TLCD4: variants seen among roughly 807,000 people sequenced by gnomAD.
TLCD4 encodes the protein TLC domain-containing protein 4.
Under a neutral mutation model 24.2 loss-of-function variants are expected in TLCD4, and 7 were observed. The observed-to-expected ratio is 0.29, with a 90% CI of 0.16 to 0.54. TLCD4 has a LOEUF of 0.54. TLCD4 is among the 20% of genes least tolerant of loss of function. The probability of loss-of-function intolerance (pLI) is 0.95; values close to 1 mark genes in which losing one functional copy is unlikely to be tolerated. For synonymous variants in TLCD4, 103 were observed against 106.4 expected (o/e 0.97, Z 0.20); for missense variants, 259 against 313.9 (o/e 0.82, Z 1.32).
At chr1:95,132,903 G>C (rs1245055509) in intron 1 of TLCD4, among the ~76,000 whole-genome samples, 1 of 152,104 alleles carries the variant, frequency 6.6e-6, no homozygotes, top group African/African-American at 2.4e-5. Flanking sequence ...CAGGTAACAT[G>C]AAAGCTGCAC....
At chr1:95,165,504 C>G (rs564986700) in intron 5 of TLCD4, among the ~76,000 whole-genome samples, 1 of 148,068 alleles carries the variant, frequency 6.8e-6, no homozygotes, top group Non-Finnish European at 1.5e-5. Context: ...TCGCTCTTGT[C>G]CCCCAGGGTG....
chr1:95,137,687 T>C (rs548698536), intron 1 of TLCD4, among the ~76,000 whole-genome samples: 51 of 151,942 alleles, frequency 3.4e-4, no homozygotes, highest in African/African-American at 1.0e-3. Context: ...CTCTCTGTCC[T>C]TCTTTCCTCC....
chr1:95,147,231 A>G (rs915612808), intron 2 of TLCD4, among the ~76,000 whole-genome samples: 19 of 151,810 alleles, frequency 1.3e-4, no homozygotes, highest in Admixed American at 3.9e-4. Flanking sequence ...GTACCACCAT[A>G]CCCAGCTAAT....
intron 6 of TLCD4, among the ~76,000 whole-genome samples, chr1:95,184,607 TAATA>T (rs1311591154): frequency 2.0e-5 from 3 of 152,192 alleles, no homozygotes; most frequent in Non-Finnish European, 4.4e-5. Flanking sequence ...AGGATTGTAT[TAATA>T]AATACATACA....
chr1:95,122,775 TG>T (rs1403604985), intron 1 of TLCD4, among the ~76,000 whole-genome samples: 4 of 152,236 alleles, frequency 2.6e-5, no homozygotes, highest in Non-Finnish European at 5.9e-5. Flanking sequence ...TTTAAAATTT[TG>T]GGGACCTGGA....
intron 1 of TLCD4, among the ~76,000 whole-genome samples, chr1:95,139,044 ATG>A (rs1677125205): frequency 6.7e-6 from 1 of 149,940 alleles, no homozygotes; most frequent in Non-Finnish European, 1.5e-5. Flanking sequence ...AAAAAAAAAA[ATG>A]AGCTGGGTGT....
intron 1 of TLCD4, among the ~76,000 whole-genome samples, chr1:95,140,054 C>T (rs566376370): frequency 1.5e-4 from 23 of 152,208 alleles, no homozygotes; most frequent in African/African-American, 5.3e-4. Flanking sequence ...TCCTTCTGGA[C>T]TGCCTCCTGA....
At chr1:95,144,285 G>C (rs1224782622) in intron 2 of TLCD4, among the ~76,000 whole-genome samples, 1 of 152,208 alleles carries the variant, frequency 6.6e-6, no homozygotes, top group African/African-American at 2.4e-5. Flanking sequence ...GAGGAAGTGT[G>C]TGAAGATGAA....
At position 95,195,360 on chromosome 1, in the gene TLCD4, A is replaced by G. The variant is rs1679161504; in HGVS notation, c.*3492A>G. 6.6e-6 allele frequency: 1 copy of G among 152,332 alleles called. No homozygotes were observed. Among genetic ancestry groups the G allele is most frequent in the Admixed American group, 6.5e-5 (1 of 15,302 alleles). 9.4% of individuals were successfully genotyped at this position (152,332 alleles called of 1,614,324 possible). ...TGTGTCGTTTTTAAGGGAAATAAACATGTTCCAAAAGATGCTGTTAAAATA... is the reference window on the plus strand; with the variant it reads ...TGTGTCGTTTTTAAGGGAAATAAACGTGTTCCAAAAGATGCTGTTAAAATA... On this transcript the variant is annotated 3_prime_UTR_variant, in exon 7 of 7. Coordinates refer to ENST00000370203, the MANE Select transcript of TLCD4 (RefSeq NM_152487.3).
intron 3 of TLCD4, among the ~76,000 whole-genome samples, chr1:95,149,166 T>C (rs1677427386): frequency 6.6e-6 from 1 of 152,194 alleles, no homozygotes; most frequent in African/African-American, 2.4e-5. Context: ...GTCTCCAATT[T>C]ATGTTTGACT....
At chr1:95,178,983 C>A (rs931635384) in intron 6 of TLCD4, among the ~76,000 whole-genome samples, 6 of 152,084 alleles carry the variant, frequency 3.9e-5, no homozygotes, top group Non-Finnish European at 5.9e-5. Context: ...TTTGATCCAG[C>A]ATTAGGTTCT....
intron 5 of TLCD4, among the ~76,000 whole-genome samples, chr1:95,167,478 C>A (rs1013813488): frequency 1.3e-5 from 2 of 152,110 alleles, no homozygotes; most frequent in Non-Finnish European, 2.9e-5. Flanking sequence ...TGAGGCAGGG[C>A]TTGCATGTCT....
intron 1 of TLCD4, among the ~76,000 whole-genome samples, chr1:95,139,455 A>ATTTTTTTTTTT (rs200337389): frequency 0.013 from 1,246 of 93,840 alleles, 71 homozygotes; most frequent in Non-Finnish European, 0.016. Context: ...TAAACCTTTG[A>ATTTTTTTTTTT]TTTTTTTTTT....
the TLCD4 span, among the ~76,000 whole-genome samples, chr1:95,102,671 G>A: frequency 6.6e-6 from 1 of 152,184 alleles, no homozygotes; most frequent in East Asian, 1.9e-4. Context: ...GAACAGGGAG[G>A]ACAGGGTTAA....
At chr1:95,151,904 CAG>C (rs990130167) in intron 5 of TLCD4, among the ~76,000 whole-genome samples, 1 of 152,082 alleles carries the variant, frequency 6.6e-6, no homozygotes, top group African/African-American at 2.4e-5. Context: ...ATTCTTCCAA[CAG>C]ATCTCAGGCA....
chr1:95,175,076 C>T (rs1678375603), intron 6 of TLCD4, among the ~76,000 whole-genome samples: 1 of 152,140 alleles, frequency 6.6e-6, no homozygotes, highest in African/African-American at 2.4e-5. Flanking sequence ...GCGCCTGGCC[C>T]ATCTCAACCA....
chr1:95,181,257 T>C (rs1678631420), intron 6 of TLCD4, among the ~76,000 whole-genome samples: 3 of 152,142 alleles, frequency 2.0e-5, no homozygotes, highest in Admixed American at 6.5e-5. Context: ...CAAATCTCTT[T>C]AATATCTGGA....
At chr1:95,099,991 A>G in the TLCD4 span, among the ~76,000 whole-genome samples, 63 of 151,890 alleles carry the variant, frequency 4.1e-4, 3 homozygotes, top group East Asian at 7.0e-3. Context: ...AAATACAAAA[A>G]TTAGCTGGGC....
chr1:95,148,861 C>T, intron 3 of TLCD4, 70 bp downstream of exon 3: 5 of 1,562,330 alleles, frequency 3.2e-6, no homozygotes, highest in Non-Finnish European at 4.3e-6. Context: ...ATAAGAACAT[C>T]ACTTACTTTA....
Sources: allele counts gnomAD v4.1 joint callset (sites outside exome capture counted in the v4.1 genomes callset), GRCh38; gene constraint gnomAD v4.1.1; transcripts MANE v1.5; gene names NCBI Gene and HGNC (gene_info 2026-07-23, HGNC 2026-07-21).